Variants in FSTL5 observed in about 807,000 individuals in gnomAD.
The protein encoded by FSTL5 is follistatin like 5, also known as follistatin-related protein 5.
In FSTL5, 62 loss-of-function variants were observed where a neutral mutation model predicts 89.1. The ratio of observed to expected loss-of-function variants is 0.70; its 90% confidence interval spans 0.57 to 0.86. FSTL5 has a LOEUF of 0.86. Ranked by LOEUF, FSTL5 falls within the 40% of genes least tolerant of loss-of-function variation. FSTL5 has a pLI of 0.00. For synonymous variants in FSTL5, 383 were observed against 346.2 expected (o/e 1.11, Z -1.18); for missense variants, 1,057 against 1,001.6 (o/e 1.06, Z -0.75).
chr4:161,660,016 T>C (rs929043362), intron 6 of FSTL5, among the ~76,000 whole-genome samples: 7 of 152,176 alleles, frequency 4.6e-5, no homozygotes. Context: ...TAAAAACATA[T>C]AGGCTAAGTG....
intron 5 of FSTL5, among the ~76,000 whole-genome samples, chr4:161,762,023 T>C (rs79498064): frequency 5.9e-5 from 9 of 152,240 alleles, no homozygotes; most frequent in Admixed American, 4.6e-4. Flanking sequence ...TTCTTTTCTG[T>C]TTTTTCACAT....
intron 8 of FSTL5, among the ~76,000 whole-genome samples, chr4:161,570,317 T>C (rs1732962011): frequency 6.6e-6 from 1 of 152,150 alleles, no homozygotes; most frequent in Non-Finnish European, 1.5e-5. Context: ...CTGAGACTTA[T>C]GGAGATCTGG....
chr4:161,735,734 G>T (rs1263226666), intron 6 of FSTL5, among the ~76,000 whole-genome samples: 1 of 152,094 alleles, frequency 6.6e-6, no homozygotes, highest in African/African-American at 2.4e-5. Context: ...ATTGGTTTAT[G>T]AACACTTAAG....
intron 2 of FSTL5, among the ~76,000 whole-genome samples, chr4:162,034,994 C>T (rs1277647017): frequency 1.3e-5 from 2 of 152,070 alleles, no homozygotes; most frequent in Admixed American, 1.3e-4. Context: ...GTCACTTAAA[C>T]TAAAATTTAA....
At chr4:161,478,208 G>A (rs1729362347) in intron 13 of FSTL5, among the ~76,000 whole-genome samples, 1 of 152,028 alleles carries the variant, frequency 6.6e-6, no homozygotes, top group Admixed American at 6.5e-5. Context: ...GTTAGCAGTA[G>A]AATGTATAAA....
intron 3 of FSTL5, among the ~76,000 whole-genome samples, chr4:161,945,234 AT>A (rs1387945690): frequency 6.6e-6 from 1 of 152,090 alleles, no homozygotes; most frequent in Admixed American, 6.6e-5. Flanking sequence ...CAGGCTAATC[AT>A]TTTTTTGTGT....
chr4:161,427,096 T>C (rs949566253), intron 15 of FSTL5, among the ~76,000 whole-genome samples: 1 of 152,204 alleles, frequency 6.6e-6, no homozygotes, highest in African/African-American at 2.4e-5. Context: ...GACACTAATG[T>C]TTCATAATAG....
intron 13 of FSTL5, among the ~76,000 whole-genome samples, chr4:161,476,295 C>T (rs1734147647): frequency 6.7e-6 from 1 of 149,310 alleles, no homozygotes; most frequent in African/African-American, 2.5e-5. Context: ...TCAAGCGATT[C>T]TCCTGCCTCA....
At chr4:161,515,267 A>G (rs1176196716) in intron 10 of FSTL5, among the ~76,000 whole-genome samples, 1 of 151,832 alleles carries the variant, frequency 6.6e-6, no homozygotes, top group Non-Finnish European at 1.5e-5. Flanking sequence ...GTGAGATCTC[A>G]GCTCACTGCA....
intron 6 of FSTL5, among the ~76,000 whole-genome samples, chr4:161,716,906 T>C (rs911752568): frequency 5.6e-4 from 85 of 151,622 alleles, no homozygotes; most frequent in African/African-American, 2.0e-3. Context: ...GCAGAGAGGA[T>C]AGAGAGAAGT....
intron 6 of FSTL5, among the ~76,000 whole-genome samples, chr4:161,739,732 G>C (rs961230327): frequency 6.6e-6 from 1 of 152,054 alleles, no homozygotes; most frequent in Non-Finnish European, 1.5e-5. Flanking sequence ...GAAAGGAGGG[G>C]AGGAATGGCA....
In FSTL5 at chr4:161,384,622, G is replaced by T. The variant is rs1043494435; in HGVS notation, c.*1125C>A. The T allele has an allele frequency of 1.3e-5, 2 of 152,040 alleles. No individual in the cohort carries two copies. The highest frequency in any genetic ancestry group is 1.3e-4 in the Admixed American group (2 of 15,228). The allele number at this position is 152,040 out of a possible 1,614,324, so 9.4% of individuals were successfully genotyped here. On this transcript the variant is annotated 3_prime_UTR_variant, in exon 16 of 16. Coordinates refer to ENST00000306100, the MANE Select transcript of FSTL5 (RefSeq NM_020116.5). Reference sequence around the variant, plus strand: ...CATTTGTGGAAATTTTAGAATAAAGGTTTTTGATACATTATATTTAAATAG... The same window carrying T: ...CATTTGTGGAAATTTTAGAATAAAGTTTTTTGATACATTATATTTAAATAG...
chr4:161,671,101 T>A (rs1304627667), intron 6 of FSTL5, among the ~76,000 whole-genome samples: 2 of 152,162 alleles, frequency 1.3e-5, no homozygotes, highest in African/African-American at 4.8e-5. Flanking sequence ...TCTAAAGACA[T>A]TTCTGTCTAG....
intron 6 of FSTL5, among the ~76,000 whole-genome samples, chr4:161,754,892 T>A (rs1445603643): frequency 6.6e-6 from 1 of 152,114 alleles, no homozygotes. Flanking sequence ...AAATTTGAAT[T>A]GGAAGACAAT....
intron 13 of FSTL5, among the ~76,000 whole-genome samples, chr4:161,473,359 T>C (rs1578861006): frequency 6.6e-6 from 1 of 152,244 alleles, no homozygotes; most frequent in East Asian, 1.9e-4. Context: ...AATTTTTAAA[T>C]CTGCTTGCTG....
At chr4:161,748,613 T>C in intron 6 of FSTL5, among the ~76,000 whole-genome samples, 1 of 149,810 alleles carries the variant, frequency 6.7e-6, no homozygotes, top group Non-Finnish European at 1.5e-5. Context: ...CACGTTTTTT[T>C]TTTTTTTTTT....
intron 15 of FSTL5, among the ~76,000 whole-genome samples, chr4:161,408,232 T>A (rs574184215): frequency 1.3e-5 from 2 of 152,306 alleles, no homozygotes; most frequent in East Asian, 1.9e-4. Flanking sequence ...AAAGGAACCA[T>A]GTGACTGAGT....
At chr4:162,106,214 AT>A (rs1731220051) in intron 2 of FSTL5, among the ~76,000 whole-genome samples, 1 of 152,234 alleles carries the variant, frequency 6.6e-6, no homozygotes, top group African/African-American at 2.4e-5. Context: ...TAAGAGAACC[AT>A]AAGTCAATTT....
intron 2 of FSTL5, among the ~76,000 whole-genome samples, chr4:162,099,484 G>A (rs1730900810): frequency 1.3e-5 from 2 of 152,006 alleles, no homozygotes; most frequent in Admixed American, 6.6e-5. Flanking sequence ...AGATAATGTA[G>A]GAGCAAATCT....
Sources: gnomAD v4.1 joint callset for allele counts (sites outside exome capture counted in the v4.1 genomes callset) on GRCh38, gnomAD v4.1.1 for gene constraint, MANE v1.5 for transcripts, NCBI Gene and HGNC (gene_info 2026-07-23, HGNC 2026-07-21) for gene names.